Variants in KCNMB2 observed in about 807,000 individuals in gnomAD.
The protein encoded by KCNMB2 is potassium calcium-activated channel subfamily M regulatory beta subunit 2.
Under a neutral mutation model 24.5 loss-of-function variants are expected in KCNMB2, and 9 were observed. The ratio of observed to expected loss-of-function variants is 0.37; its 90% confidence interval spans 0.22 to 0.64. The LOEUF is 0.64. Among genes scored for constraint, KCNMB2 ranks in the 30% least tolerant of loss-of-function variants. KCNMB2 has a pLI of 0.63. For missense variants in KCNMB2, 226 were observed against 284.3 expected (o/e 0.79, Z 1.47); for synonymous variants, 109 against 104.4 (o/e 1.04, Z -0.27).
chr3:178,758,709 G>GAT (rs1227255505), intron 1 of KCNMB2, among the ~76,000 whole-genome samples: 24 of 1,400 alleles, frequency 0.017, no homozygotes, highest in African/African-American at 0.056. Flanking sequence ...TACAAGAGGA[G>GAT]ATATATATAT....
intron 1 of KCNMB2, among the ~76,000 whole-genome samples, chr3:178,599,375 G>A (rs994482679): frequency 6.6e-6 from 1 of 152,090 alleles, no homozygotes. Flanking sequence ...AATCTTAACT[G>A]ATGAATAGCT....
intron 1 of KCNMB2, among the ~76,000 whole-genome samples, chr3:178,679,210 G>A (rs1385155898): frequency 6.6e-6 from 1 of 151,980 alleles, no homozygotes; most frequent in African/African-American, 2.4e-5. Flanking sequence ...TATTAACTAA[G>A]GGCTCAATTC....
intron 1 of KCNMB2, among the ~76,000 whole-genome samples, chr3:178,590,105 A>T (rs1389646691): frequency 6.6e-6 from 1 of 152,140 alleles, no homozygotes; most frequent in African/African-American, 2.4e-5. Context: ...ATGTTATTCC[A>T]TTGAGATTTG....
chr3:178,790,496 G>T (rs1188425874), intron 1 of KCNMB2, among the ~76,000 whole-genome samples: 1 of 152,166 alleles, frequency 6.6e-6, no homozygotes, highest in Non-Finnish European at 1.5e-5. Flanking sequence ...TTCCTGAATG[G>T]CATTTCTGGA....
At chr3:178,610,347 T>G (rs974011392) in intron 1 of KCNMB2, among the ~76,000 whole-genome samples, 3 of 152,218 alleles carry the variant, frequency 2.0e-5, no homozygotes, top group Admixed American at 1.3e-4. Flanking sequence ...TTGGGTAGCA[T>G]GGACATTTTA....
chr3:178,603,018 T>C (rs117888049), intron 1 of KCNMB2, among the ~76,000 whole-genome samples: 1 of 152,122 alleles, frequency 6.6e-6, no homozygotes, highest in East Asian at 1.9e-4. Flanking sequence ...CCTGGATGAG[T>C]AACGTGGGAG....
At chr3:178,701,821 G>C (rs1006210699) in intron 1 of KCNMB2, among the ~76,000 whole-genome samples, 1 of 152,138 alleles carries the variant, frequency 6.6e-6, no homozygotes, top group Non-Finnish European at 1.5e-5. Context: ...CTGTTGGTGG[G>C]ACTGTAAACT....
At chr3:178,817,576 C>G (rs901572575) in intron 2 of KCNMB2, among the ~76,000 whole-genome samples, 1 of 152,092 alleles carries the variant, frequency 6.6e-6, no homozygotes, top group Admixed American at 6.5e-5. Flanking sequence ...TGAAGGCACT[C>G]AGCAATCCAT....
chr3:178,815,757 AAT>A (rs1250453374), intron 2 of KCNMB2, among the ~76,000 whole-genome samples: 1 of 152,020 alleles, frequency 6.6e-6, no homozygotes, highest in African/African-American at 2.4e-5. Flanking sequence ...AATTTTGTCA[AAT>A]ATGTTTATCT....
At chr3:178,635,300 G>A (rs1719477558) in intron 1 of KCNMB2, among the ~76,000 whole-genome samples, 1 of 152,106 alleles carries the variant, frequency 6.6e-6, no homozygotes, top group African/African-American at 2.4e-5. Context: ...TTCCTTGCCA[G>A]TAGGCTAGTG....
intron 1 of KCNMB2, among the ~76,000 whole-genome samples, chr3:178,782,789 A>C (rs1431528619): frequency 2.0e-5 from 3 of 150,910 alleles, no homozygotes; most frequent in Non-Finnish European, 3.0e-5. Context: ...GAAGCTCTTT[A>C]GTTTAATTAG....
chr3:178,760,310 CTATATATAGA>C (rs1358455896), intron 1 of KCNMB2, among the ~76,000 whole-genome samples: 7 of 81,212 alleles, frequency 8.6e-5, no homozygotes, highest in East Asian at 3.3e-4. Flanking sequence ...GAGGATATAT[CTATATATAGA>C]TATATATAGA....
chr3:178,790,178 T>A (rs1713266643), intron 1 of KCNMB2, among the ~76,000 whole-genome samples: 1 of 151,918 alleles, frequency 6.6e-6, no homozygotes. Flanking sequence ...ACCTACTGCC[T>A]TGAAGGGAAG....
intron 1 of KCNMB2, among the ~76,000 whole-genome samples, chr3:178,758,195 T>C (rs1215138956): frequency 1.3e-5 from 1 of 75,348 alleles, no homozygotes; most frequent in Non-Finnish European, 2.5e-5. Flanking sequence ...AGGGGATATA[T>C]ATATATATAT....
chr3:178,771,473 C>CTTTTTTT (rs66694279), intron 1 of KCNMB2, among the ~76,000 whole-genome samples: 46 of 87,510 alleles, frequency 5.3e-4, no homozygotes, highest in Non-Finnish European at 6.8e-4. Context: ...TTCTTTCTTT[C>CTTTTTTT]TTTTTTTTTT....
intron 1 of KCNMB2, among the ~76,000 whole-genome samples, chr3:178,616,875 G>A (rs1718725090): frequency 6.6e-6 from 1 of 152,148 alleles, no homozygotes; most frequent in Non-Finnish European, 1.5e-5. Context: ...TGGAATCTAG[G>A]TATATTATCT....
intron 1 of KCNMB2, among the ~76,000 whole-genome samples, chr3:178,587,102 T>A (rs959570086): frequency 6.6e-6 from 1 of 152,166 alleles, no homozygotes; most frequent in Admixed American, 6.5e-5. Context: ...AACATAGTAA[T>A]TGGTGAAGAG....
chr3:178,560,535 C>A (rs559828350), intron 1 of KCNMB2, among the ~76,000 whole-genome samples: 1 of 152,176 alleles, frequency 6.6e-6, no homozygotes, highest in African/African-American at 2.4e-5. Context: ...TCCACTGAGC[C>A]GCACAAGCAC....
chr3:178,651,535 C>G (rs1049898991), intron 1 of KCNMB2, among the ~76,000 whole-genome samples: 3 of 152,160 alleles, frequency 2.0e-5, no homozygotes, highest in African/African-American at 7.2e-5. Context: ...CATCGAGCTA[C>G]CATTGACTTT....
Sources: allele counts gnomAD v4.1 joint callset (sites outside exome capture counted in the v4.1 genomes callset), GRCh38; gene constraint gnomAD v4.1.1; transcripts MANE v1.5; gene names NCBI Gene and HGNC (gene_info 2026-07-23, HGNC 2026-07-21).